Variants in POU5F1B observed in about 807,000 individuals in gnomAD.
The protein encoded by POU5F1B is POU domain, class 5, transcription factor 1B.
A neutral mutation model predicts 28.1 loss-of-function variants in POU5F1B; 24 were observed. The observed-to-expected ratio is 0.85, with a 90% CI of 0.62 to 1.20. The LOEUF is 1.20. Among genes scored for constraint, POU5F1B ranks in the 50% most tolerant of loss-of-function variants. POU5F1B has a pLI of 0.00. For missense variants in POU5F1B, 451 were observed against 451.5 expected, an observed-to-expected ratio of 1.00 and a Z score of 0.01; for synonymous variants, 220 against 193.2, an observed-to-expected ratio of 1.14 and a Z score of -1.15.
chr8:127,417,083 A>T lies in POU5F1B; in HGVS notation c.*137A>T, dbSNP rs182512875. 1,179 of 1,270,402 alleles carry T rather than the reference A, an allele frequency of 9.3e-4. 12 individuals carry two copies. The African/African-American group carries it at 0.016, about 17-fold the overall frequency. 78.7% of individuals were successfully genotyped at this position (1,270,402 alleles called of 1,614,324 possible). On this transcript the variant is annotated 3_prime_UTR_variant, in exon 3 of 3. Coordinates refer to ENST00000465342, the Ensembl canonical transcript of POU5F1B. ...AATTGGGAACACTAAGGGTGGGGGCAGGGGAGTTTGGGGCAACTGGTTGGA... is the reference window on the plus strand; with the variant it reads ...AATTGGGAACACTAAGGGTGGGGGCTGGGGAGTTTGGGGCAACTGGTTGGA...
intron 1 of POU5F1B, among the ~76,000 whole-genome samples, chr8:127,414,081 G>A (rs1815097942): frequency 6.6e-6 from 1 of 152,214 alleles, no homozygotes; most frequent in African/African-American, 2.4e-5. Flanking sequence ...ACTTAAGGTT[G>A]GCAGGATAAC....
exon 3 of POU5F1B, chr8:127,415,528 A>G (rs1444074090): frequency 1.1e-5 from 3 of 262,894 alleles, no homozygotes; most frequent in Non-Finnish European, 2.1e-5. Flanking sequence ...GCATCATGGT[A>G]TGGCAGAAGC....
At chr8:127,416,674 A>C in exon 3 of POU5F1B, 1 of 1,606,850 alleles carries the variant, frequency 6.2e-7, no homozygotes, top group South Asian at 1.1e-5. Flanking sequence ...TGGGCTCGAG[A>C]AGGATGTGGT....
chr8:127,416,199 C>A (rs1463101721), exon 3 of POU5F1B: 1 of 1,613,820 alleles, frequency 6.2e-7, no homozygotes, highest in South Asian at 1.1e-5. Flanking sequence ...ATGGGGCCTC[C>A]CCGGAACCCT....
Position 127,416,219 on chromosome 8 carries a change from C to A in POU5F1B, c.353C>A (p.Pro118His), listed in dbSNP as rs1019176390. The change falls in exon 3 of 3, where the codon CCC becomes CAC. Residue 118 changes from proline (P) to histidine (H), a missense_variant. By Grantham distance (77) the Pro-to-His change is moderately conservative. Around this residue, in one of 3 missense-constraint regions of POU5F1B, gnomAD observed 233 missense variants for 210.7 expected, o/e 1.11. Transcript: ENST00000465342. ...GCCTCCCCGGAACCCTGCACCGTCC[C>A]CCCTGGTGCCGTGAAGCTGGAGAAG... is the stretch of plus-strand genomic sequence containing the variant. The A allele has an allele frequency of 5.0e-6, 8 of 1,613,792 alleles. No individual in the cohort carries two copies. In the African/African-American group the frequency reaches 9.3e-5, roughly 19 times the overall value.
chr8:127,416,221 C>T, exon 3 of POU5F1B: 3 of 1,613,888 alleles, frequency 1.9e-6, no homozygotes, highest in Admixed American at 1.7e-5. Context: ...CACCGTCCCC[C>T]CTGGTGCCGT....
chr8:127,415,110 C>A (rs575579005), intron 2 of POU5F1B: 1 of 152,256 alleles, frequency 6.6e-6, no homozygotes, highest in South Asian at 2.1e-4. Context: ...TGACCACAAC[C>A]TCATGAAATA....
At chr8:127,415,712 A>G in exon 3 of POU5F1B, 2 of 1,261,062 alleles carry the variant, frequency 1.6e-6, no homozygotes, top group Middle Eastern at 2.8e-4. Context: ...AAGAGTTCCT[A>G]ACACATTCAG....
intron 2 of POU5F1B, chr8:127,415,395 T>A (rs1235021820): frequency 1.3e-5 from 2 of 154,906 alleles, no homozygotes; most frequent in Admixed American, 6.5e-5. Flanking sequence ...TTGCAGCCCA[T>A]TTTGCCTTTG....
exon 3 of POU5F1B, chr8:127,416,301 A>C: frequency 6.2e-7 from 1 of 1,613,580 alleles, no homozygotes; most frequent in Non-Finnish European, 8.5e-7. Flanking sequence ...TGCAGAAAGA[A>C]CTCGAGCAAT....
chr8:127,416,730 C>A (rs1205756513), exon 3 of POU5F1B: 1 of 1,609,714 alleles, frequency 6.2e-7, no homozygotes, highest in Non-Finnish European at 8.5e-7. Flanking sequence ...AGCGATCAAG[C>A]AGCGACTATG....
chr8:127,416,001 A>G (rs769765063), exon 3 of POU5F1B: 2 of 1,594,346 alleles, frequency 1.3e-6, no homozygotes, highest in South Asian at 2.3e-5. Context: ...CTGGAGGGCC[A>G]GGAATCGGGC....
exon 3 of POU5F1B, chr8:127,416,230 G>T (rs752618852): frequency 1.2e-6 from 2 of 1,613,836 alleles, no homozygotes; most frequent in South Asian, 1.1e-5. Context: ...CCCTGGTGCC[G>T]TGAAGCTGGA....
rs555519112 is a variant in POU5F1B at position 127,415,098 on chromosome 8, C to G, written c.-425+76C>G. ...AGATGACAACATCCCCTGCTCTCAT[C>G]TTGACCACAACCTCATGAAATACCC... On this transcript the variant is annotated intron_variant, in intron 2 of 2. Coordinates refer to ENST00000465342, the Ensembl canonical transcript of POU5F1B. The G allele has an allele frequency of 2.0e-5, 3 of 152,380 alleles. No homozygotes were observed. The South Asian group carries it at 6.2e-4, about 32-fold the overall frequency. 9.4% of individuals were successfully genotyped at this position (152,380 alleles called of 1,614,324 possible).
Position 127,417,207 on chromosome 8 carries a change from A to G in POU5F1B, c.*261A>G, listed in dbSNP as rs368932899. 213 of 236,590 alleles carry G rather than the reference A, an allele frequency of 9.0e-4. 3 individuals carry two copies. The highest frequency in any genetic ancestry group is 7.5e-3 in the East Asian group (118 of 15,820). The allele number at this position is 236,590 out of a possible 1,614,324, so 14.7% of individuals were successfully genotyped here. ...CCTGGGACACAGTAAAAAAAAAAAA[A>G]AAAGAAAGAAAAGAAAAGTAACATA... On this transcript the variant is annotated 3_prime_UTR_variant, in exon 3 of 3. Transcript: ENST00000465342.
In POU5F1B at chr8:127,416,077, G is replaced by C. The variant is rs535674373; in HGVS notation, c.211G>C (p.Gly71Arg). Residue 71 changes from glycine to arginine, a missense_variant, in exon 3 of 3, where the codon GGG becomes CGG. Around this residue, in one of 3 missense-constraint regions of POU5F1B, gnomAD observed 233 missense variants for 210.7 expected, o/e 1.11. Coordinates refer to ENST00000465342, the Ensembl canonical transcript of POU5F1B. ...TTGCCCCCCGCCGTATGAGTTATGT[G>C]GGGGGATGGCGTACTGTGGGCCTCA... The C allele has an allele frequency of 2.4e-4, 393 of 1,611,416 alleles. 1 individual carries two copies. In the African/African-American group the frequency reaches 4.5e-3, roughly 19 times the overall value.
exon 3 of POU5F1B, chr8:127,416,122 C>T (rs779553954): frequency 6.2e-7 from 1 of 1,613,466 alleles, no homozygotes; most frequent in Non-Finnish European, 8.5e-7. Context: ...GGGGCTAGTG[C>T]CCCAAGGCGG....
rs1554608611 is a variant in POU5F1B, at chr8:127,417,207, A to AG, written c.*261_*262insG. The AG allele has an allele frequency of 6.8e-3, 1,592 of 235,282 alleles. 12 individuals are homozygous for AG. Among genetic ancestry groups the AG allele is most frequent in the African/African-American group, 0.06 (1,137 of 18,838 alleles). 14.6% of individuals were successfully genotyped at this position (235,282 alleles called of 1,614,324 possible). ...CCTGGGACACAGTAAAAAAAAAAAAAAAAGAAAGAAAAGAAAAGTAACATA... is the reference window on the plus strand; with the variant it reads ...CCTGGGACACAGTAAAAAAAAAAAAAGAAAGAAAGAAAAGAAAAGTAACATA... On this transcript the variant is annotated 3_prime_UTR_variant, in exon 3 of 3. Transcript: ENST00000465342.
chr8:127,416,707 C>T lies in POU5F1B; in HGVS notation c.841C>T (p.Arg281Cys), dbSNP rs573985615. The T allele has an allele frequency of 2.4e-5, 38 of 1,609,142 alleles. No individual in the cohort carries two copies. In the African/African-American group the frequency reaches 3.3e-4, roughly 14 times the overall value. ...GGTCCGAGTGTGGTTCTGTAACCGG[C>T]GCCAGAAGGGCAAGCGATCAAGCAG... is the stretch of plus-strand genomic sequence containing the variant. The change falls in exon 3 of 3, where the codon CGC (arginine) becomes TGC (cysteine). Residue 281 changes from arginine (R) to cysteine (C), a missense_variant. Physicochemically the swap from Arg to Cys is radical, Grantham distance 180 (BLOSUM62 -3). Transcript: ENST00000465342.
Sources: gnomAD v4.1 joint callset for allele counts (sites outside exome capture counted in the v4.1 genomes callset) on GRCh38, gnomAD v4.1.1 for gene constraint, gnomAD v4.1.1 regional missense constraint, MANE v1.5 for transcripts, NCBI Gene and HGNC (gene_info 2026-07-23, HGNC 2026-07-21) for gene names.